The following ARF3 variants were observed in gnomAD, a reference collection of about 807,000 sequenced individuals.
ARF3 encodes the protein ARF GTPase 3.
In ARF3, 5 loss-of-function variants were observed where a neutral mutation model predicts 19.3. That is an observed-to-expected ratio of 0.26 (90% CI 0.14 to 0.54). The LOEUF is 0.54. Among genes scored for constraint, ARF3 ranks in the 20% least tolerant of loss-of-function variants. The pLI is 0.95. For synonymous variants in ARF3, 71 were observed against 89.2 expected (o/e 0.80, Z 1.15); for missense variants, 77 against 234.2 (o/e 0.33, Z 4.38).
chr12:48,956,676 C>T (rs1170161279), intron 1 of ARF3: 5 of 151,724 alleles, frequency 3.3e-5, no homozygotes, highest in South Asian at 2.1e-4. Context: ...CCCCCTCCTC[C>T]TTCTCCTGCC....
chr12:48,947,431 C>T (rs188969490), intron 1 of ARF3, among the ~76,000 whole-genome samples: 23 of 152,166 alleles, frequency 1.5e-4, no homozygotes, highest in African/African-American at 4.3e-4. Flanking sequence ...CTCAGCCTCC[C>T]GAGTAGATGG....
chr12:48,946,107 C>T (rs1940354062), intron 1 of ARF3, among the ~76,000 whole-genome samples: 1 of 152,128 alleles, frequency 6.6e-6, no homozygotes. Flanking sequence ...CTGGCCATGA[C>T]TTTTCTTTAA....
In ARF3 at chr12:48,939,551, T is replaced by C. The variant is rs1163103783; in HGVS notation, c.384+104A>G. The C allele has an allele frequency of 1.3e-6, 2 of 1,506,136 alleles. No homozygotes were observed. Among genetic ancestry groups the C allele is most frequent in the Non-Finnish European group, 9.1e-7 (1 of 1,101,300 alleles). 93.3% of individuals were successfully genotyped at this position (1,506,136 alleles called of 1,614,324 possible). ...TGCTCAGTTTCCCACGCTTCTAACA[T>C]TGAGAGCATACTAAAAGGGTTAACC... is the stretch of plus-strand genomic sequence containing the variant. On this transcript the variant is annotated intron_variant, in intron 4 of 4. Coordinates refer to ENST00000256682, the MANE Select transcript of ARF3 (RefSeq NM_001659.3). This position sits in a 1 kb window ranked among gnomAD's most constrained non-coding sequence, Gnocchi z 4.8.
intron 2 of ARF3, among the ~76,000 whole-genome samples, chr12:48,940,683 C>T (rs575012094): frequency 2.6e-4 from 39 of 152,362 alleles, no homozygotes; most frequent in African/African-American, 8.2e-4. Flanking sequence ...TTCCAAACAA[C>T]ACAGAGAAGA....
At chr12:48,946,770 C>G (rs1337752993) in intron 1 of ARF3, among the ~76,000 whole-genome samples, 1 of 152,220 alleles carries the variant, frequency 6.6e-6, no homozygotes, top group Non-Finnish European at 1.5e-5. Flanking sequence ...ACTCAGCCAT[C>G]TTTCCTTACA....
At chr12:48,943,503 G>A (rs998815255) in intron 1 of ARF3, among the ~76,000 whole-genome samples, 1 of 152,162 alleles carries the variant, frequency 6.6e-6, no homozygotes, top group Non-Finnish European at 1.5e-5. Flanking sequence ...AAGACAAAGT[G>A]CGCCCAAACC....
At position 48,938,756 on chromosome 12, in the gene ARF3, T is replaced by G; in HGVS notation, c.*191A>C. 6.1e-6 allele frequency: 4 copies of G among 652,418 alleles called. No homozygotes were observed. Among genetic ancestry groups the G allele is most frequent in the Non-Finnish European group, 1.0e-5 (4 of 381,160 alleles). The allele number at this position is 652,418 out of a possible 1,614,324, so 40.4% of individuals were successfully genotyped here. On this transcript the variant is annotated 3_prime_UTR_variant, in exon 5 of 5. Transcript: ENST00000256682. ...GAATGACTCATCATCAGGACAGCAA[T>G]TAGGGATTGGTCATATAGGTGGACA... is the stretch of plus-strand genomic sequence containing the variant.
chr12:48,954,777 T>C (rs1940530320), intron 1 of ARF3, among the ~76,000 whole-genome samples: 1 of 152,124 alleles, frequency 6.6e-6, no homozygotes, highest in African/African-American at 2.4e-5. Flanking sequence ...CTCAGCACTT[T>C]GGGAGGCCAA....
In ARF3 at chr12:48,939,086, G is replaced by A; in HGVS notation, c.407C>T (p.Ala136Val). Residue 136 changes from alanine (A) to valine (V), a missense_variant, in exon 5 of 5, where the codon GCT (alanine) becomes GTT (valine). This residue lies in a region of ARF3 where 53 missense variants were observed against 121.2 expected (regional missense o/e 0.44). Coordinates refer to ENST00000256682, the MANE Select transcript of ARF3 (RefSeq NM_001659.3). The surrounding 1 kb of genome is among the most constrained non-coding windows in gnomAD (Gnocchi z 4.8). ...NKQDLPNAMN[A>V]AEITDKLGLH... is the part of the protein sequence containing the mutation. ...GCCCAGCTTGTCTGTGATCTCAGCAGCGTTCATAGCATTAGGCAGATCCTG... is the reference window on the plus strand; with the variant it reads ...GCCCAGCTTGTCTGTGATCTCAGCAACGTTCATAGCATTAGGCAGATCCTG... The A allele has an allele frequency of 6.2e-7, 1 of 1,614,176 alleles. No individual in the cohort carries two copies. The highest frequency in any genetic ancestry group is 8.5e-7 in the Non-Finnish European group (1 of 1,180,024).
chr12:48,953,463 T>C (rs1006694515), intron 1 of ARF3, among the ~76,000 whole-genome samples: 1 of 152,156 alleles, frequency 6.6e-6, no homozygotes, highest in East Asian at 1.9e-4. Flanking sequence ...GAGCAAATGC[T>C]CTCCTACATC....
At chr12:48,950,429 C>T (rs1483468824) in intron 1 of ARF3, among the ~76,000 whole-genome samples, 1 of 152,058 alleles carries the variant, frequency 6.6e-6, no homozygotes, top group African/African-American at 2.4e-5. Flanking sequence ...TCAAGTGATC[C>T]GCCCACCTCG....
intron 1 of ARF3, among the ~76,000 whole-genome samples, chr12:48,942,570 TA>T (rs1245266737): frequency 6.6e-6 from 1 of 152,172 alleles, no homozygotes; most frequent in African/African-American, 2.4e-5. Flanking sequence ...TATCCCACTT[TA>T]CTTTTCTTCA....
chr12:48,939,883 C>G lies in ARF3; in HGVS notation c.260-104G>C, dbSNP rs41291979. 0.051 allele frequency: 81,495 copies of G among 1,596,668 alleles called. 2,564 individuals carry two copies. The highest frequency in any genetic ancestry group is 0.059 in the Non-Finnish European group (68,681 of 1,165,854). On this transcript the variant is annotated intron_variant, in intron 3 of 4. Coordinates refer to ENST00000256682, the MANE Select transcript of ARF3 (RefSeq NM_001659.3). This position sits in a 1 kb window ranked among gnomAD's most constrained non-coding sequence, Gnocchi z 4.8. ...ACCCTCCAAATATTTGCTCCCTTTCCTCCCTTTCTTCTGCCCCCAGGAGCT... is the reference window on the plus strand; with the variant it reads ...ACCCTCCAAATATTTGCTCCCTTTCGTCCCTTTCTTCTGCCCCCAGGAGCT...
At chr12:48,949,347 T>C (rs1940421448) in intron 1 of ARF3, among the ~76,000 whole-genome samples, 1 of 151,986 alleles carries the variant, frequency 6.6e-6, no homozygotes, top group Non-Finnish European at 1.5e-5. Context: ...TGCCTCAGCC[T>C]CCCGAGTAGC....
chr12:48,940,159 A>G (rs1592238908), intron 2 of ARF3, 52 bp from the exon 3 acceptor site: 3 of 1,436,512 alleles, frequency 2.1e-6, no homozygotes, highest in Non-Finnish European at 2.9e-6. Flanking sequence ...CTAGCCCCGC[A>G]AACACCACCA....
intron 1 of ARF3, 115 bp from the exon 2 acceptor site, chr12:48,941,303 G>T: frequency 1.8e-6 from 1 of 546,166 alleles, no homozygotes; most frequent in Non-Finnish European, 3.1e-6. Context: ...GAGCCTGAGG[G>T]GACTATAAAT....
At position 48,940,935 on chromosome 12, in the gene ARF3, G is replaced by C. The variant is rs1219415197; in HGVS notation, c.148+13C>G. The C allele has an allele frequency of 5.7e-6, 9 of 1,586,468 alleles. No individual in the cohort carries two copies. The highest frequency in any genetic ancestry group is 6.9e-6 in the Non-Finnish European group (8 of 1,164,018). On this transcript the variant is annotated intron_variant, in intron 2 of 4. Coordinates refer to ENST00000256682, the MANE Select transcript of ARF3 (RefSeq NM_001659.3). ...TGCCGGCGTGAAAGCCCACATCCAAGCTGTGCTCTTACCAATGGTAGGGAT... is the reference window on the plus strand; with the variant it reads ...TGCCGGCGTGAAAGCCCACATCCAACCTGTGCTCTTACCAATGGTAGGGAT...
chr12:48,952,274 G>T (rs1432467358), intron 1 of ARF3, among the ~76,000 whole-genome samples: 1 of 152,196 alleles, frequency 6.6e-6, no homozygotes, highest in Non-Finnish European at 1.5e-5. Flanking sequence ...AAACGCCTGG[G>T]AAGGGTCTGG....
intron 1 of ARF3, among the ~76,000 whole-genome samples, chr12:48,948,868 C>G (rs1940411083): frequency 6.6e-6 from 1 of 151,824 alleles, no homozygotes; most frequent in African/African-American, 2.4e-5. Flanking sequence ...TAAGCAGGGA[C>G]TGGATCATGA....
Sources: gnomAD v4.1 joint callset for allele counts (sites outside exome capture counted in the v4.1 genomes callset) on GRCh38, gnomAD v4.1.1 for gene constraint, gnomAD v4.1.1 regional missense constraint, Gnocchi (gnomAD v3.1) non-coding constraint, MANE v1.5 for transcripts, NCBI Gene and HGNC (gene_info 2026-07-23, HGNC 2026-07-21) for gene names.